PRKCE: variants seen among roughly 807,000 people sequenced by gnomAD.
The protein encoded by PRKCE is protein kinase C epsilon.
PRKCE carries 16 observed loss-of-function variants against 85.4 expected under a neutral mutation model. That is an observed-to-expected ratio of 0.19 (90% CI 0.13 to 0.28). The LOEUF (loss-of-function observed/expected upper bound fraction) is 0.28, where lower values mean the gene tolerates loss of function less well. Ranked by LOEUF, PRKCE falls within the 10% of genes least tolerant of loss-of-function variation. The pLI, the probability that PRKCE is intolerant of heterozygous loss-of-function variation, is 1.00. For synonymous variants in PRKCE, 388 were observed against 371.5 expected (o/e 1.04, Z -0.51); for missense variants, 573 against 975.2 (o/e 0.59, Z 5.49).
chr2:45,925,056 A>ACCACAC (rs1486988204), intron 2 of PRKCE, among the ~76,000 whole-genome samples: 1 of 152,146 alleles, frequency 6.6e-6, no homozygotes, highest in East Asian at 1.9e-4. Flanking sequence ...AGGGTGTTTT[A>ACCACAC]AAGGTATCCA....
At chr2:45,984,013 C>T (rs1309736688) in intron 5 of PRKCE, among the ~76,000 whole-genome samples, 1 of 150,146 alleles carries the variant, frequency 6.7e-6, no homozygotes, top group Non-Finnish European at 1.5e-5. Flanking sequence ...TCTTGGCTCA[C>T]TGCAACCTCT....
At chr2:45,900,972 G>C (rs533822967) in intron 2 of PRKCE, among the ~76,000 whole-genome samples, 2 of 152,276 alleles carry the variant, frequency 1.3e-5, no homozygotes, top group Non-Finnish European at 2.9e-5. Flanking sequence ...AAGGACTTTG[G>C]GAAAGAAACT....
intron 1 of PRKCE, among the ~76,000 whole-genome samples, chr2:45,739,427 T>C (rs150382124): frequency 1.3e-5 from 2 of 152,272 alleles, no homozygotes; most frequent in East Asian, 3.9e-4. Flanking sequence ...GATTGTATAT[T>C]TGGGGTTTCA....
At chr2:45,820,314 C>T (rs779131374) in intron 1 of PRKCE, among the ~76,000 whole-genome samples, 6 of 152,010 alleles carry the variant, frequency 3.9e-5, no homozygotes, top group South Asian at 2.1e-4. Context: ...AAGAAGGATA[C>T]GGGTGTGGAC....
At chr2:46,053,829 C>T (rs559597877) in intron 10 of PRKCE, among the ~76,000 whole-genome samples, 1 of 152,304 alleles carries the variant, frequency 6.6e-6, no homozygotes, top group East Asian at 1.9e-4. Flanking sequence ...TGAACATGGG[C>T]TTACAAATAT....
chr2:46,086,491 T>A, intron 11 of PRKCE, 129 bp downstream of exon 11: 1 of 1,174,714 alleles, frequency 8.5e-7, no homozygotes, highest in South Asian at 1.6e-5. Flanking sequence ...TTTGTTCCAA[T>A]TTGCTTACAG....
intron 1 of PRKCE, among the ~76,000 whole-genome samples, chr2:45,826,035 G>A (rs369959421): frequency 5.3e-5 from 8 of 152,270 alleles, no homozygotes; most frequent in African/African-American, 1.7e-4. Context: ...CTGTGAAGAG[G>A]GTGCATGTTT....
intron 2 of PRKCE, among the ~76,000 whole-genome samples, chr2:45,903,363 C>G (rs1696713363): frequency 6.6e-6 from 1 of 152,178 alleles, no homozygotes; most frequent in East Asian, 1.9e-4. Flanking sequence ...AGAGCATCCC[C>G]TTTTCTTCAC....
In PRKCE at chr2:46,138,679, C is replaced by T. The variant is rs1675224643; in HGVS notation, c.1593-6414C>T. 6.6e-6 allele frequency among the ~76,000 whole-genome samples: 1 copy of T among 152,178 alleles called. No homozygotes were observed. Among genetic ancestry groups the T allele is most frequent in the Non-Finnish European group, 1.5e-5 (1 of 68,044 alleles). On this transcript the variant is annotated intron_variant, in intron 11 of 14. Transcript: ENST00000306156. This position sits in a 1 kb window ranked among gnomAD's most constrained non-coding sequence, Gnocchi z 4.2. ...TCAACCAGAGGGCCTGCAAGGGACA[C>T]TTAGCAATGTCTGGAGACACAGTTG...
chr2:46,161,445 A>C (rs1677749212), intron 14 of PRKCE, among the ~76,000 whole-genome samples: 1 of 152,220 alleles, frequency 6.6e-6, no homozygotes, highest in South Asian at 2.1e-4. Flanking sequence ...AGCTGAGGGG[A>C]TTATCAGTGC....
At chr2:45,931,861 C>T (rs897953398) in intron 2 of PRKCE, among the ~76,000 whole-genome samples, 18 of 152,100 alleles carry the variant, frequency 1.2e-4, no homozygotes, top group South Asian at 4.1e-4. Context: ...CACCTGCTGC[C>T]ACACTCAGCT....
intron 1 of PRKCE, among the ~76,000 whole-genome samples, chr2:45,710,644 C>T (rs758641837): frequency 7.2e-5 from 11 of 152,244 alleles, no homozygotes; most frequent in South Asian, 2.1e-4. Context: ...CTGGACATTG[C>T]GGCTCCAGCA....
chr2:45,849,179 G>A (rs572604838), intron 2 of PRKCE, among the ~76,000 whole-genome samples: 1 of 152,212 alleles, frequency 6.6e-6, no homozygotes, highest in Non-Finnish European at 1.5e-5. Flanking sequence ...ATTGAAGGCA[G>A]TTCCTTCTGG....
intron 1 of PRKCE, among the ~76,000 whole-genome samples, chr2:45,831,114 C>T (rs911314852): frequency 6.6e-6 from 1 of 151,950 alleles, no homozygotes; most frequent in African/African-American, 2.4e-5. Flanking sequence ...TGGGAAGACT[C>T]AAAGATCTGA....
chr2:45,679,266 T>G (rs1676707279), intron 1 of PRKCE, among the ~76,000 whole-genome samples: 1 of 152,170 alleles, frequency 6.6e-6, no homozygotes, highest in Non-Finnish European at 1.5e-5. Context: ...ACACATATAC[T>G]CAAAAGAATA....
At chr2:45,884,244 T>C (rs1695080811) in intron 2 of PRKCE, among the ~76,000 whole-genome samples, 1 of 152,230 alleles carries the variant, frequency 6.6e-6, no homozygotes, top group Non-Finnish European at 1.5e-5. Flanking sequence ...GGCAAGTTAC[T>C]CAACCTCTGA....
intron 14 of PRKCE, among the ~76,000 whole-genome samples, chr2:46,174,070 T>C (rs921029447): frequency 2.0e-5 from 3 of 152,160 alleles, no homozygotes; most frequent in Admixed American, 6.6e-5. Flanking sequence ...ATTTAGAAAA[T>C]AGATATGTGT....
intron 11 of PRKCE, among the ~76,000 whole-genome samples, chr2:46,133,385 T>C (rs931121888): frequency 6.6e-6 from 1 of 152,176 alleles, no homozygotes; most frequent in Admixed American, 6.5e-5. Flanking sequence ...GCCATCCTAG[T>C]ACTCTGGCCT....
At chr2:45,746,711 T>G (rs1683165848) in intron 1 of PRKCE, among the ~76,000 whole-genome samples, 1 of 152,262 alleles carries the variant, frequency 6.6e-6, no homozygotes, top group Non-Finnish European at 1.5e-5. Flanking sequence ...TATACAAGAC[T>G]TTTGTGGCTG....
Sources: allele counts gnomAD v4.1 joint callset (sites outside exome capture counted in the v4.1 genomes callset), GRCh38; gene constraint gnomAD v4.1.1; non-coding constraint Gnocchi (gnomAD v3.1); transcripts MANE v1.5; gene names NCBI Gene and HGNC (gene_info 2026-07-23, HGNC 2026-07-21).